CAND1: variants seen among roughly 807,000 people sequenced by gnomAD.
The protein encoded by CAND1 is cullin-associated NEDD8-dissociated protein 1.
Under a neutral mutation model 108.5 loss-of-function variants are expected in CAND1, and 7 were observed. The ratio of observed to expected loss-of-function variants is 0.06; its 90% CI spans 0.04 to 0.12. CAND1 has a LOEUF of 0.12. Ranked by LOEUF, CAND1 falls within the 10% of genes least tolerant of loss-of-function variation. CAND1 has a pLI of 1.00. For missense variants in CAND1, 941 were observed against 1,448.7 expected (o/e 0.65, Z 5.69); for synonymous variants, 534 against 512.0 (o/e 1.04, Z -0.58).
chr12:67,293,727 T>G (rs900591684), intron 3 of CAND1, among the ~76,000 whole-genome samples: 4 of 151,914 alleles, frequency 2.6e-5, no homozygotes, highest in African/African-American at 9.7e-5. Flanking sequence ...CATTCCAGCC[T>G]AGGGAACAAG....
intron 1 of CAND1, chr12:67,270,782 A>G (rs998809143): frequency 4.0e-5 from 6 of 151,788 alleles, no homozygotes; most frequent in East Asian, 3.8e-4. Flanking sequence ...AAAAAAAAAA[A>G]AAAAGAAAAA....
chr12:67,314,208 C>T lies in CAND1; in HGVS notation c.*1378C>T, dbSNP rs1183577512. On this transcript the variant is annotated 3_prime_UTR_variant, in exon 15 of 15. Transcript: ENST00000545606. ...TGTTAAATTGAGTGACCAATTTAAG[C>T]AATCAGATATTTGAAAACTGCACCC... 6.6e-6 allele frequency: 1 copy of T among 152,096 alleles called. No individual in the cohort carries two copies. Among genetic ancestry groups the T allele is most frequent in the Non-Finnish European group, 1.5e-5 (1 of 67,980 alleles). 9.4% of individuals were successfully genotyped at this position (152,096 alleles called of 1,614,324 possible).
intron 2 of CAND1, among the ~76,000 whole-genome samples, chr12:67,283,645 T>A (rs2044641109): frequency 6.6e-6 from 1 of 152,106 alleles, no homozygotes. Context: ...AGTTTAATTC[T>A]TTATCTTTTA....
At chr12:67,303,964 A>G (rs1485872018) in intron 8 of CAND1, among the ~76,000 whole-genome samples, 1 of 151,030 alleles carries the variant, frequency 6.6e-6, no homozygotes, top group Non-Finnish European at 1.5e-5. Flanking sequence ...TTTATTGAAA[A>G]TATGATTTGA....
chr12:67,291,886 G>T (rs187626816), intron 2 of CAND1, among the ~76,000 whole-genome samples: 1 of 152,184 alleles, frequency 6.6e-6, no homozygotes, highest in Non-Finnish European at 1.5e-5. Context: ...TTGATTAATT[G>T]AGACAGAGTC....
At chr12:67,273,330 G>A (rs1394596542) in intron 1 of CAND1, among the ~76,000 whole-genome samples, 2 of 151,964 alleles carry the variant, frequency 1.3e-5, no homozygotes, top group Admixed American at 6.6e-5. Context: ...TTCCATAAAG[G>A]AATAAAGAGT....
intron 14 of CAND1, 100 bp downstream of exon 14, chr12:67,311,900 CTG>C: frequency 1.4e-6 from 1 of 722,374 alleles, no homozygotes; most frequent in Non-Finnish European, 2.5e-6. Context: ...TTCCAGTGCT[CTG>C]TGTAGCAGTT....
At chr12:67,281,558 A>G (rs2044620338) in intron 1 of CAND1, among the ~76,000 whole-genome samples, 1 of 152,244 alleles carries the variant, frequency 6.6e-6, no homozygotes, top group Non-Finnish European at 1.5e-5. Flanking sequence ...AAAAGCAGTG[A>G]TGCAATTAAT....
At position 67,269,521 on chromosome 12, in the gene CAND1, C is replaced by T. The variant is rs1284518655; in HGVS notation, c.-197C>T. 6 of 557,398 alleles carry T rather than the reference C, an allele frequency of 1.1e-5. No homozygotes were observed. The highest frequency in any genetic ancestry group is 1.9e-5 in the Non-Finnish European group (6 of 321,654). The allele number at this position is 557,398 out of a possible 1,614,324, so 34.5% of individuals were successfully genotyped here. On this transcript the variant is annotated 5_prime_UTR_variant, in exon 1 of 15. Transcript: ENST00000545606. ...CTGGCTCTGTAGCCTCGGCTTACCC[C>T]GGGACAGGCCCACGCCTCGCCAGGG...
At position 67,305,020 on chromosome 12, in the gene CAND1, TAGC is replaced by T. The variant is rs1363879716; in HGVS notation, c.1436-81_1436-79del. The T allele has an allele frequency of 1.9e-5, 21 of 1,109,882 alleles. No homozygotes were observed. The highest frequency in any genetic ancestry group is 2.6e-5 in the Non-Finnish European group (20 of 779,804). The allele number at this position is 1,109,882 out of a possible 1,614,324, so 68.8% of individuals were successfully genotyped here. On this transcript the variant is annotated intron_variant, in intron 9 of 14. Transcript: ENST00000545606. The surrounding 1 kb of genome is among the most constrained non-coding windows in gnomAD (Gnocchi z 4.4). ...AAATAATATAATGAAGTGGGAACAT[TAGC>T]AGTACTATAGGGGTTGATTTTTAAT...
Position 67,306,013 on chromosome 12 carries a change from C to T in CAND1, c.2345C>T (p.Pro782Leu). ...YMDLLRMLTGPVYSQSTALTH... is the reference protein window; with the variant it reads ...YMDLLRMLTGLVYSQSTALTH... ...GATTTGTTGCGCATGCTGACTGGTC[C>T]AGTTTACTCTCAGAGCACAGCTCTT... Residue 782 changes from proline to leucine, a missense_variant, in exon 10 of 15, where the codon CCA becomes CTA. This residue lies in a region of CAND1 where 697 missense variants were observed against 942.0 expected (regional missense o/e 0.74). Coordinates refer to ENST00000545606, the MANE Select transcript of CAND1 (RefSeq NM_018448.5). 6.2e-7 allele frequency: 1 copy of T among 1,614,090 alleles called. No individual in the cohort carries two copies. The highest frequency in any genetic ancestry group is 1.1e-5 in the South Asian group (1 of 91,078).
At position 67,269,563 on chromosome 12, in the gene CAND1, A is replaced by G. The variant is rs2044495938; in HGVS notation, c.-155A>G. ...TCGCCAGGGAGGGGGCAGCCCGTCG[A>G]GGCGCCTCCCTAGTCAGCGTCGGCG... On this transcript the variant is annotated 5_prime_UTR_variant, in exon 1 of 15. Coordinates refer to ENST00000545606, the MANE Select transcript of CAND1 (RefSeq NM_018448.5). 1.6e-6 allele frequency: 1 copy of G among 609,332 alleles called. No individual in the cohort carries two copies. Among genetic ancestry groups the G allele is most frequent in the Admixed American group, 3.6e-5 (1 of 28,082 alleles). The allele number at this position is 609,332 out of a possible 1,614,324, so 37.7% of individuals were successfully genotyped here.
chr12:67,271,616 A>G (rs1161733014), intron 1 of CAND1, among the ~76,000 whole-genome samples: 1 of 152,258 alleles, frequency 6.6e-6, no homozygotes, highest in Non-Finnish European at 1.5e-5. Context: ...AATAAATTAC[A>G]TGAAAGAAAT....
chr12:67,291,391 CT>C (rs1171308736), intron 2 of CAND1, among the ~76,000 whole-genome samples: 1 of 152,080 alleles, frequency 6.6e-6, no homozygotes, highest in African/African-American at 2.4e-5. Flanking sequence ...AGTGGAAATT[CT>C]TTTGGTTCAT....
At chr12:67,297,925 G>A in intron 6 of CAND1, 72 bp downstream of exon 6, 1 of 776,522 alleles carries the variant, frequency 1.3e-6, no homozygotes, top group Non-Finnish European at 2.1e-6. Flanking sequence ...TCTACATTAG[G>A]TGTGTGAGGA....
Position 67,316,745 on chromosome 12 carries a change from A to G in CAND1, c.*3915A>G, listed in dbSNP as rs183292573. 25 of 152,340 alleles carry G rather than the reference A, an allele frequency of 1.6e-4. No individual in the cohort carries two copies. Among genetic ancestry groups the G allele is most frequent in the Admixed American group, 1.6e-3 (24 of 15,308 alleles). 9.4% of individuals were successfully genotyped at this position (152,340 alleles called of 1,614,324 possible). A position where few individuals can be genotyped will look rare whatever the true frequency, so the allele number is the denominator to read the frequency against. On this transcript the variant is annotated 3_prime_UTR_variant, in exon 15 of 15. Transcript: ENST00000545606. ...CAGAAAGCTTATGCTATGTAAAGTG[A>G]CATTGTTTCCAGATTAGGAAGTATT...
chr12:67,294,105 A>C (rs1362417920), intron 3 of CAND1, among the ~76,000 whole-genome samples: 4 of 152,152 alleles, frequency 2.6e-5, no homozygotes, highest in African/African-American at 9.7e-5. Context: ...CCAACTCAGA[A>C]GTATGTTATT....
chr12:67,312,220 A>T (rs1198380207), intron 14 of CAND1, among the ~76,000 whole-genome samples: 2 of 151,900 alleles, frequency 1.3e-5, no homozygotes, highest in Non-Finnish European at 2.9e-5. Context: ...AAAGGCCTGG[A>T]GATGTCATCA....
At chr12:67,295,350 TGTATA>T (rs1268921494) in intron 4 of CAND1, among the ~76,000 whole-genome samples, 194 bp downstream of exon 4, 2 of 152,218 alleles carry the variant, frequency 1.3e-5, no homozygotes, top group African/African-American at 4.8e-5. Flanking sequence ...TATATAATAT[TGTATA>T]GTAAACATTT....
Sources: allele counts gnomAD v4.1 joint callset (sites outside exome capture counted in the v4.1 genomes callset), GRCh38; gene constraint gnomAD v4.1.1; regional missense constraint gnomAD v4.1.1; non-coding constraint Gnocchi (gnomAD v3.1); transcripts MANE v1.5; gene names NCBI Gene and HGNC (gene_info 2026-07-23, HGNC 2026-07-21).